LTBP1: variants seen among roughly 807,000 people sequenced by gnomAD.
LTBP1 encodes the protein latent transforming growth factor beta binding protein 1.
In LTBP1, 129 loss-of-function variants were observed where a neutral mutation model predicts 207.6. That is an observed-to-expected ratio of 0.62 (90% CI 0.54 to 0.72). The LOEUF (loss-of-function observed/expected upper bound fraction) is 0.72, where lower values mean the gene tolerates loss of function less well. LTBP1 is among the 30% of genes least tolerant of loss of function. The probability of loss-of-function intolerance (pLI) is 0.00; values close to 1 mark genes in which losing one functional copy is unlikely to be tolerated. For missense variants in LTBP1, 2,281 were observed against 2,217.2 expected (o/e 1.03, Z -0.58); for synonymous variants, 963 against 833.7 (o/e 1.16, Z -2.67).
At chr2:33,201,652 A>AG (rs200973392) in intron 7 of LTBP1, among the ~76,000 whole-genome samples, 38 of 151,908 alleles carry the variant, frequency 2.5e-4, no homozygotes, top group African/African-American at 8.9e-4. Flanking sequence ...AAGAAGAAGA[A>AG]AAAAAAAGAA....
At chr2:33,360,854 C>G in intron 27 of LTBP1, 75 bp downstream of exon 27, 3 of 1,356,618 alleles carry the variant, frequency 2.2e-6, no homozygotes, top group Non-Finnish European at 3.1e-6. Context: ...AATGATAACA[C>G]TCATTCCCAC....
rs1314794113 is a variant in LTBP1, at chr2:32,947,428, G to A, written c.104G>A (p.Gly35Asp). The change falls in exon 1 of 34, where the codon GGC (glycine) becomes GAC (aspartate). Residue 35 changes from glycine (G) to aspartate (D), a missense_variant. Physicochemically the swap from Gly to Asp is moderately conservative, Grantham distance 94. Around this residue, in one of 3 missense-constraint regions of LTBP1, gnomAD observed 555 missense variants for 491.0 expected, o/e 1.13. Transcript: ENST00000404816. ...LRRITYVVHP[G>D]PGLAAGALPL... Reference sequence around the variant, plus strand: ...AGGATCACCTACGTGGTGCACCCGGGCCCCGGCCTGGCAGCCGGCGCCTTG... The same window carrying A: ...AGGATCACCTACGTGGTGCACCCGGACCCCGGCCTGGCAGCCGGCGCCTTG... The A allele has an allele frequency of 5.6e-6, 8 of 1,439,780 alleles. No individual in the cohort carries two copies. The highest frequency in any genetic ancestry group is 7.3e-6 in the Non-Finnish European group (8 of 1,099,022). 89.2% of individuals were successfully genotyped at this position (1,439,780 alleles called of 1,614,324 possible).
Position 32,947,251 on chromosome 2 carries a change from G to T in LTBP1, c.-74G>T. ...AGCTCTCGGGGGAGCCCGAACGCGC[G>T]GGGAAAGGCGAGCCGCACGGCCGGG... On this transcript the variant is annotated 5_prime_UTR_variant, in exon 1 of 34. Coordinates refer to ENST00000404816, the MANE Select transcript of LTBP1 (RefSeq NM_206943.4). The T allele has an allele frequency of 8.8e-7, 1 of 1,131,396 alleles. No homozygotes were observed. The highest frequency in any genetic ancestry group is 1.1e-6 in the Non-Finnish European group (1 of 903,858). 70.1% of individuals were successfully genotyped at this position (1,131,396 alleles called of 1,614,324 possible).
At position 33,275,009 on chromosome 2, in the gene LTBP1, C is replaced by T. The variant is rs774681859; in HGVS notation, c.2788C>T (p.Arg930Cys). Residue 930 changes from arginine to cysteine, a missense_variant, in exon 17 of 34, where the codon CGC (arginine) becomes TGC (cysteine). By Grantham distance (180) the Arg-to-Cys change is radical (BLOSUM62 -3). Coordinates refer to ENST00000404816, the MANE Select transcript of LTBP1 (RefSeq NM_206943.4). ...TQVQHLCSQG[R>C]CENTEGSFLC... ...GGTCCAACACCTCTGCTCCCAGGGC[C>T]GCTGTGAAAACACCGAGGGAAGTTT... 5.0e-6 allele frequency: 8 copies of T among 1,613,952 alleles called. No individual in the cohort carries two copies. The South Asian group carries it at 5.5e-5, about 11-fold the overall frequency.
At chr2:33,157,474 G>C (rs1203723000) in intron 5 of LTBP1, among the ~76,000 whole-genome samples, 1 of 152,180 alleles carries the variant, frequency 6.6e-6, no homozygotes, top group East Asian at 1.9e-4. Flanking sequence ...AAGTAGCTTG[G>C]AGAGCATCTC....
intron 26 of LTBP1, among the ~76,000 whole-genome samples, chr2:33,356,987 A>G (rs2094870566): frequency 6.6e-6 from 1 of 152,150 alleles, no homozygotes; most frequent in Admixed American, 6.5e-5. Context: ...AATAATTCTG[A>G]CTGTTAGGAA....
chr2:33,017,237 T>C (rs1280053510), intron 2 of LTBP1, among the ~76,000 whole-genome samples: 1 of 152,224 alleles, frequency 6.6e-6, no homozygotes, highest in East Asian at 1.9e-4. Flanking sequence ...AACACTTTTA[T>C]CATAGCCAAG....
At chr2:33,155,601 C>A (rs2083910808) in intron 5 of LTBP1, among the ~76,000 whole-genome samples, 1 of 151,864 alleles carries the variant, frequency 6.6e-6, no homozygotes, top group East Asian at 1.9e-4. Context: ...AAGTAGCAAC[C>A]CCCCATCTCA....
intron 10 of LTBP1, among the ~76,000 whole-genome samples, chr2:33,251,592 G>C (rs2092685498): frequency 6.6e-6 from 1 of 151,322 alleles, no homozygotes; most frequent in Admixed American, 6.6e-5. Flanking sequence ...GTGAACCCGG[G>C]AGGTGGAGCT....
chr2:33,120,934 T>C (rs1255497105), intron 4 of LTBP1, among the ~76,000 whole-genome samples: 16 of 152,228 alleles, frequency 1.1e-4, no homozygotes. Context: ...CTACTCAGAC[T>C]TACATGCAGT....
chr2:33,030,627 CTTGA>C (rs2075650104), intron 3 of LTBP1, among the ~76,000 whole-genome samples: 1 of 152,170 alleles, frequency 6.6e-6, no homozygotes, highest in African/African-American at 2.4e-5. Context: ...TCACAGTCTC[CTTGA>C]TTAATTTCTT....
At chr2:33,355,967 T>C (rs1218936473) in intron 26 of LTBP1, among the ~76,000 whole-genome samples, 2 of 152,058 alleles carry the variant, frequency 1.3e-5, no homozygotes, top group African/African-American at 4.8e-5. Flanking sequence ...CTTTGACTGC[T>C]TTGGCATGTT....
At chr2:33,383,502 T>TA (rs1162107022) in intron 31 of LTBP1, among the ~76,000 whole-genome samples, 1 of 152,182 alleles carries the variant, frequency 6.6e-6, no homozygotes, top group Non-Finnish European at 1.5e-5. Context: ...GTAAGAAAAA[T>TA]ACCTGGTCTA....
chr2:33,152,306 C>G lies in LTBP1; in HGVS notation c.1201+17346C>G, dbSNP rs181009043. Among the ~76,000 whole-genome samples, 484 of 152,180 alleles carry G rather than the reference C, an allele frequency of 3.2e-3. 1 individual carries two copies. The highest frequency in any genetic ancestry group is 3.4e-3 in the Non-Finnish European group (234 of 67,990). The stretch of plus-strand genomic sequence containing the variant: ...AGATGATATACAGATGGCCAACAAA[C>G]ATGAAAAAGTACTCAGCATCACTAA... On this transcript the variant is annotated intron_variant, in intron 5 of 33. Transcript: ENST00000404816.
intron 8 of LTBP1, among the ~76,000 whole-genome samples, chr2:33,220,276 A>G (rs1255916036): frequency 2.6e-5 from 4 of 152,172 alleles, no homozygotes; most frequent in Non-Finnish European, 4.4e-5. Context: ...AATCATATTC[A>G]GTTTGGAAGG....
intron 3 of LTBP1, among the ~76,000 whole-genome samples, chr2:33,059,894 A>G (rs912219756): frequency 6.6e-6 from 1 of 152,232 alleles, no homozygotes; most frequent in Non-Finnish European, 1.5e-5. Context: ...GACTTTAGAT[A>G]CATCTATGGC....
chr2:33,068,426 T>C (rs1272983387), intron 3 of LTBP1, among the ~76,000 whole-genome samples: 1 of 152,174 alleles, frequency 6.6e-6, no homozygotes, highest in Admixed American at 6.5e-5. Context: ...TTATAAATGA[T>C]GAACCTGCAT....
chr2:33,170,992 A>G (rs2085386143), intron 5 of LTBP1, among the ~76,000 whole-genome samples: 1 of 151,816 alleles, frequency 6.6e-6, no homozygotes, highest in Admixed American at 6.6e-5. Context: ...AAGGACATCC[A>G]CACCAAAAAC....
At chr2:33,013,539 A>G (rs1687953482) in intron 2 of LTBP1, among the ~76,000 whole-genome samples, 5 of 151,900 alleles carry the variant, frequency 3.3e-5, no homozygotes, top group African/African-American at 1.2e-4. Context: ...TATACACTAA[A>G]CTGTAGATAG....
Sources: allele counts gnomAD v4.1 joint callset (sites outside exome capture counted in the v4.1 genomes callset), GRCh38; gene constraint gnomAD v4.1.1; regional missense constraint gnomAD v4.1.1; transcripts MANE v1.5; gene names NCBI Gene and HGNC (gene_info 2026-07-23, HGNC 2026-07-21).